PINX1: variants seen among roughly 807,000 people sequenced by gnomAD.
PINX1 encodes PIN2/TERF1-interacting telomerase inhibitor 1.
A neutral mutation model predicts 25.4 loss-of-function variants in PINX1; 34 were observed. That is an observed-to-expected ratio of 1.34 (90% CI 1.02 to 1.78). The LOEUF (loss-of-function observed/expected upper bound fraction) is 1.78. PINX1 is among the 40% of genes most tolerant of loss of function. PINX1 has a pLI of 0.00. For synonymous variants in PINX1, 197 were observed against 147.7 expected, an observed-to-expected ratio of 1.33 and a Z score of -2.42; for missense variants, 592 against 404.9, an observed-to-expected ratio of 1.46 and a Z score of -3.97.
chr8:10,774,783 C>G (rs1301391136), intron 6 of PINX1, among the ~76,000 whole-genome samples: 1 of 152,042 alleles, frequency 6.6e-6, no homozygotes, highest in African/African-American at 2.4e-5. Context: ...CTTTCTTTCA[C>G]CAGAAATCAA....
At chr8:10,776,484 T>C (rs1801400898) in intron 6 of PINX1, among the ~76,000 whole-genome samples, 1 of 152,078 alleles carries the variant, frequency 6.6e-6, no homozygotes, top group Admixed American at 6.5e-5. Context: ...AATTGGTCTT[T>C]AACATTATAT....
At chr8:10,820,390 AACT>A (rs757364043) in intron 5 of PINX1, 121 bp from the exon 6 acceptor site, 11 of 719,076 alleles carry the variant, frequency 1.5e-5, no homozygotes, top group Non-Finnish European at 2.8e-5. Flanking sequence ...ACAATTTTGA[AACT>A]ACTGACTTTC....
rs535377564 is a variant in PINX1, at chr8:10,782,468, G to A, written c.472-16552C>T. ...AAGTACTCAGAGGCCAGGCGCAGTG[G>A]CTCACGCCTGTAATCCTAGCACTTT... On this transcript the variant is annotated intron_variant, in intron 6 of 6. Transcript: ENST00000314787. Among the ~76,000 whole-genome samples the A allele has an allele frequency of 4.6e-5, 7 of 152,204 alleles. No individual in the cohort carries two copies. In the South Asian group the frequency reaches 1.5e-3, roughly 32 times the overall value.
chr8:10,780,756 A>G (rs1442939923), intron 6 of PINX1, among the ~76,000 whole-genome samples: 2 of 152,258 alleles, frequency 1.3e-5, no homozygotes, highest in East Asian at 3.8e-4. Context: ...AATTAAAAGA[A>G]TATTATTAAA....
intron 6 of PINX1, among the ~76,000 whole-genome samples, chr8:10,786,790 T>A (rs1801761900): frequency 1.3e-5 from 2 of 152,182 alleles, no homozygotes; most frequent in South Asian, 4.1e-4. Flanking sequence ...CCTAGGAACT[T>A]TCTGCAGGCC....
intron 6 of PINX1, among the ~76,000 whole-genome samples, chr8:10,805,665 G>A (rs113364606): frequency 0.017 from 889 of 53,122 alleles, 14 homozygotes; most frequent in Middle Eastern, 0.048. Context: ...AGTGGGTGAC[G>A]GAGCACAGGA....
chr8:10,768,596 G>C (rs1245938241), intron 6 of PINX1, among the ~76,000 whole-genome samples: 1 of 152,174 alleles, frequency 6.6e-6, no homozygotes, highest in Non-Finnish European at 1.5e-5. Context: ...TCCCAGCAAA[G>C]TGCTGGCCAC....
At chr8:10,800,985 G>A (rs993724189) in intron 6 of PINX1, among the ~76,000 whole-genome samples, 4 of 152,192 alleles carry the variant, frequency 2.6e-5, no homozygotes, top group African/African-American at 7.2e-5. Flanking sequence ...CCCTGGGGGA[G>A]TCCCTGGCAT....
chr8:10,817,767 G>A (rs538632468), intron 6 of PINX1, among the ~76,000 whole-genome samples: 1 of 152,072 alleles, frequency 6.6e-6, no homozygotes. Context: ...TGACAGGGAA[G>A]ACCTGTACAC....
chr8:10,832,912 C>G lies in PINX1; in HGVS notation c.202G>C (p.Gly68Arg). ...VQVKNNHLGL[G>R]ATINNEDNWI... Reference sequence around the variant, plus strand: ...CTCACTTCATTATTGATGGTAGCTCCGAGTCCCAGGTGGTTATTTTTCACT... The same window carrying G: ...CTCACTTCATTATTGATGGTAGCTCGGAGTCCCAGGTGGTTATTTTTCACT... Residue 68 changes from glycine to arginine, a missense_variant, in exon 3 of 7, where the codon GGA becomes CGA. By Grantham distance (125) the Gly-to-Arg change is moderately radical (BLOSUM62 -2). Coordinates refer to ENST00000314787, the MANE Select transcript of PINX1 (RefSeq NM_017884.6). 4 of 1,609,876 alleles carry G rather than the reference C, an allele frequency of 2.5e-6. No individual in the cohort carries two copies. The highest frequency in any genetic ancestry group is 3.4e-6 in the Non-Finnish European group (4 of 1,176,758).
At chr8:10,808,762 A>G (rs2129082420) in intron 6 of PINX1, among the ~76,000 whole-genome samples, 2 of 152,328 alleles carry the variant, frequency 1.3e-5, no homozygotes, top group Non-Finnish European at 2.9e-5. Context: ...CTATTGGTAA[A>G]CCTAGATAGT....
At chr8:10,771,588 G>C (rs933073381) in intron 6 of PINX1, among the ~76,000 whole-genome samples, 1 of 152,134 alleles carries the variant, frequency 6.6e-6, no homozygotes, top group Non-Finnish European at 1.5e-5. Flanking sequence ...TCCCTAATGA[G>C]GAACAAGGTA....
At chr8:10,793,378 G>A (rs976763141) in intron 6 of PINX1, among the ~76,000 whole-genome samples, 5 of 152,058 alleles carry the variant, frequency 3.3e-5, no homozygotes, top group Non-Finnish European at 7.4e-5. Flanking sequence ...GGCTTCCCAG[G>A]GCCACGCTGG....
rs376537003 is a variant in PINX1 at position 10,834,815 on chromosome 8, T to C, written c.20-40A>G. 9 of 1,439,144 alleles carry C rather than the reference T, an allele frequency of 6.3e-6. No homozygotes were observed. The African/African-American group carries it at 8.4e-5, about 13-fold the overall frequency. The allele number at this position is 1,439,144 out of a possible 1,614,324, so 89.1% of individuals were successfully genotyped here. A position where few individuals can be genotyped will look rare whatever the true frequency, so the allele number is the denominator to read the frequency against. The stretch of plus-strand genomic sequence containing the variant: ...GCATTATCATCAGCAATGGAGATGA[T>C]ACCCGGAAAATACCACACAAACATA... On this transcript the variant is annotated intron_variant, in intron 1 of 6. Coordinates refer to ENST00000314787, the MANE Select transcript of PINX1 (RefSeq NM_017884.6).
At chr8:10,834,327 A>C (rs1798327393) in intron 2 of PINX1, 1 of 211,588 alleles carries the variant, frequency 4.7e-6, no homozygotes. Flanking sequence ...CTGATTTGGC[A>C]CTTAGAGATC....
intron 6 of PINX1, among the ~76,000 whole-genome samples, chr8:10,770,956 G>C (rs1354784534): frequency 1.3e-5 from 2 of 152,168 alleles, no homozygotes; most frequent in South Asian, 2.1e-4. Flanking sequence ...TAGACTCCCA[G>C]AGATCAAGGG....
chr8:10,776,883 T>A (rs184468903), intron 6 of PINX1, among the ~76,000 whole-genome samples: 39 of 152,338 alleles, frequency 2.6e-4, no homozygotes, highest in Non-Finnish European at 4.4e-4. Flanking sequence ...CCCTTCTTCC[T>A]GTTTTCATGA....
chr8:10,824,056 C>T (rs999244876), intron 5 of PINX1, among the ~76,000 whole-genome samples: 1 of 151,962 alleles, frequency 6.6e-6, no homozygotes, highest in African/African-American at 2.4e-5. Flanking sequence ...TACCCACTGG[C>T]GAAAATCTTT....
Position 10,783,437 on chromosome 8 carries a change from G to A in PINX1, c.472-17521C>T, listed in dbSNP as rs563539718. Among the ~76,000 whole-genome samples the A allele has an allele frequency of 9.2e-5, 14 of 152,258 alleles. No individual in the cohort carries two copies. The South Asian group carries it at 2.1e-3, about 23-fold the overall frequency. On this transcript the variant is annotated intron_variant, in intron 6 of 6. Transcript: ENST00000314787. ...AAAGGACCTGTGCTTTCAAGAACCC[G>A]TGTCTTTGCAGATATGGTCTTTTTT...
Sources: gnomAD v4.1 joint callset for allele counts (sites outside exome capture counted in the v4.1 genomes callset) on GRCh38, gnomAD v4.1.1 for gene constraint, MANE v1.5 for transcripts, NCBI Gene and HGNC (gene_info 2026-07-23, HGNC 2026-07-21) for gene names.